The following MACROD2 variants were observed in gnomAD, a reference collection of about 807,000 sequenced individuals.
The protein encoded by MACROD2 is ADP-ribose glycohydrolase MACROD2.
MACROD2 carries 36 observed loss-of-function variants against 70.4 expected under a neutral mutation model. The observed-to-expected ratio is 0.51, with a 90% CI of 0.39 to 0.68. The LOEUF (loss-of-function observed/expected upper bound fraction) is 0.68, where lower values mean the gene tolerates loss of function less well. Among genes scored for constraint, MACROD2 ranks in the 30% least tolerant of loss-of-function variants. MACROD2 has a pLI of 0.00. For synonymous variants in MACROD2, 172 were observed against 178.8 expected (o/e 0.96, Z 0.30); for missense variants, 496 against 538.4 (o/e 0.92, Z 0.78).
chr20:14,284,031 G>A (rs1013918058), intron 3 of MACROD2, among the ~76,000 whole-genome samples: 2 of 152,140 alleles, frequency 1.3e-5, no homozygotes, highest in African/African-American at 4.8e-5. Flanking sequence ...TCTTTCAGCT[G>A]CCCTTAGAAG....
intron 3 of MACROD2, among the ~76,000 whole-genome samples, chr20:14,420,930 C>T (rs903644099): frequency 1.3e-5 from 2 of 152,170 alleles, no homozygotes; most frequent in African/African-American, 4.8e-5. Context: ...TGGGCTCAAG[C>T]AATCCTCCTG....
intron 6 of MACROD2, among the ~76,000 whole-genome samples, chr20:15,308,993 G>T (rs1252733715): frequency 3.9e-5 from 6 of 152,070 alleles, no homozygotes; most frequent in Admixed American, 2.6e-4. Flanking sequence ...TTTGGATTTT[G>T]GGTCTGTCGC....
intron 8 of MACROD2, among the ~76,000 whole-genome samples, chr20:15,758,871 C>T (rs530156412): frequency 6.0e-5 from 9 of 150,286 alleles, no homozygotes; most frequent in South Asian, 2.2e-4. Flanking sequence ...GACCCCAGGC[C>T]GGGCACGGTG....
At chr20:14,061,732 C>T (rs1349942016) in intron 2 of MACROD2, among the ~76,000 whole-genome samples, 1 of 152,134 alleles carries the variant, frequency 6.6e-6, no homozygotes, top group African/African-American at 2.4e-5. Flanking sequence ...GCTGTAGTTA[C>T]ATATCCTTCC....
At chr20:15,387,451 TCTTC>T (rs2045731275) in intron 6 of MACROD2, among the ~76,000 whole-genome samples, 1 of 151,726 alleles carries the variant, frequency 6.6e-6, no homozygotes, top group Admixed American at 6.6e-5. Flanking sequence ...CTCTCTTCTT[TCTTC>T]CTTCTCTTCC....
At chr20:15,822,984 T>C (rs184125188) in intron 8 of MACROD2, among the ~76,000 whole-genome samples, 1 of 152,326 alleles carries the variant, frequency 6.6e-6, no homozygotes, top group Admixed American at 6.5e-5. Flanking sequence ...TGGTTTCCAC[T>C]ACAACACCTA....
intron 5 of MACROD2, among the ~76,000 whole-genome samples, chr20:14,897,379 A>G (rs1367114403): frequency 6.6e-6 from 1 of 152,186 alleles, no homozygotes; most frequent in Non-Finnish European, 1.5e-5. Flanking sequence ...TTATAATAAT[A>G]TACTTTTCTG....
chr20:14,227,725 T>C (rs1177897394), intron 3 of MACROD2, among the ~76,000 whole-genome samples: 1 of 152,224 alleles, frequency 6.6e-6, no homozygotes, highest in Non-Finnish European at 1.5e-5. Context: ...CCAACTTTAC[T>C]TTTTTTAGGG....
chr20:14,069,155 C>T (rs2053806765), intron 2 of MACROD2, among the ~76,000 whole-genome samples: 1 of 152,210 alleles, frequency 6.6e-6, no homozygotes, highest in Non-Finnish European at 1.5e-5. Context: ...CCATGTTAAC[C>T]AGGCTGGTCT....
In MACROD2 at chr20:14,710,431, A is replaced by G. The variant is rs1334725297; in HGVS notation, c.418+25472A>G. ...ATTTAAAAAAATCAAATTCATAGTA[A>G]GGGTGCAGTAAATATTTGGTTTACA... On this transcript the variant is annotated intron_variant, in intron 5 of 17. Coordinates refer to ENST00000684519, the MANE Select transcript of MACROD2 (RefSeq NM_001351661.2). Among the ~76,000 whole-genome samples, 7 of 152,342 alleles carry G rather than the reference A, an allele frequency of 4.6e-5. No homozygotes were observed. The East Asian group carries it at 1.3e-3, about 29-fold the overall frequency.
chr20:15,196,164 C>G (rs1360845384), intron 5 of MACROD2, among the ~76,000 whole-genome samples: 1 of 151,944 alleles, frequency 6.6e-6, no homozygotes, highest in Non-Finnish European at 1.5e-5. Flanking sequence ...ATTGGATGAT[C>G]TGTGCAGCAA....
chr20:15,000,505 C>G (rs930194322), intron 5 of MACROD2, among the ~76,000 whole-genome samples: 3 of 144,326 alleles, frequency 2.1e-5, no homozygotes, highest in South Asian at 4.3e-4. Flanking sequence ...CGCCTGTAGT[C>G]CCAGCTACTG....
intron 8 of MACROD2, among the ~76,000 whole-genome samples, chr20:15,542,831 C>T (rs1033092674): frequency 2.0e-5 from 3 of 152,186 alleles, no homozygotes; most frequent in Non-Finnish European, 4.4e-5. Flanking sequence ...TAGGCCAACT[C>T]TATTTGTGGG....
intron 5 of MACROD2, among the ~76,000 whole-genome samples, chr20:14,754,487 T>C (rs1168192677): frequency 1.3e-5 from 2 of 152,118 alleles, no homozygotes; most frequent in East Asian, 1.9e-4. Context: ...CAATTACTAG[T>C]TGCTTATATT....
intron 3 of MACROD2, among the ~76,000 whole-genome samples, chr20:14,088,934 A>G (rs1255350205): frequency 6.6e-6 from 1 of 152,236 alleles, no homozygotes; most frequent in African/African-American, 2.4e-5. Context: ...ATATTTTGGG[A>G]GTAATTATTG....
At chr20:14,359,799 C>G (rs1164647540) in intron 3 of MACROD2, among the ~76,000 whole-genome samples, 3 of 151,982 alleles carry the variant, frequency 2.0e-5, no homozygotes, top group African/African-American at 7.3e-5. Flanking sequence ...GAGGTTGACG[C>G]TGCAGTGAAC....
chr20:15,239,831 C>T (rs1330725544), intron 6 of MACROD2, among the ~76,000 whole-genome samples: 1 of 152,144 alleles, frequency 6.6e-6, no homozygotes. Flanking sequence ...TCTGGTTATG[C>T]TGTGTTTGAA....
At chr20:14,045,966 G>C (rs936810070) in intron 2 of MACROD2, among the ~76,000 whole-genome samples, 1 of 152,164 alleles carries the variant, frequency 6.6e-6, no homozygotes, top group Non-Finnish European at 1.5e-5. Context: ...AGAAAGCCCA[G>C]ATACGGAAAC....
At chr20:15,546,887 A>G (rs186946345) in intron 8 of MACROD2, among the ~76,000 whole-genome samples, 1 of 152,328 alleles carries the variant, frequency 6.6e-6, no homozygotes, top group East Asian at 1.9e-4. Flanking sequence ...CAGTGAATTG[A>G]TCTCTTTTAG....
Sources: allele counts gnomAD v4.1 joint callset (sites outside exome capture counted in the v4.1 genomes callset), GRCh38; gene constraint gnomAD v4.1.1; transcripts MANE v1.5; gene names NCBI Gene and HGNC (gene_info 2026-07-23, HGNC 2026-07-21).